The following JCHAIN variants were observed in gnomAD, a reference collection of about 807,000 sequenced individuals.
JCHAIN encodes the protein immunoglobulin J chain.
A neutral mutation model predicts 11.1 loss-of-function variants in JCHAIN; 5 were observed. The observed-to-expected ratio is 0.45, with a 90% confidence interval of 0.24 to 0.95. The LOEUF (loss-of-function observed/expected upper bound fraction) is 0.95. Among genes scored for constraint, JCHAIN ranks in the 40% least tolerant of loss-of-function variants. JCHAIN has a pLI of 0.21. For synonymous variants in JCHAIN, 51 were observed against 67.8 expected (o/e 0.75, Z 1.22); for missense variants, 165 against 192.7 (o/e 0.86, Z 0.85).
chr4:70,666,085 A>G (rs1193004388), intron 1 of JCHAIN, among the ~76,000 whole-genome samples: 1 of 152,176 alleles, frequency 6.6e-6, no homozygotes, highest in African/African-American at 2.4e-5. Context: ...TACAGTAATT[A>G]TTATTTCATT....
chr4:70,660,916 C>T (rs1182837491), intron 2 of JCHAIN, among the ~76,000 whole-genome samples: 1 of 152,060 alleles, frequency 6.6e-6, no homozygotes, highest in African/African-American at 2.4e-5. Flanking sequence ...TATATAAGCT[C>T]TAAAAGGAAT....
chr4:70,666,140 T>C (rs1739148219), intron 1 of JCHAIN, among the ~76,000 whole-genome samples: 4 of 152,186 alleles, frequency 2.6e-5, no homozygotes, highest in Admixed American at 2.6e-4. Flanking sequence ...GGATTATAGA[T>C]TTTTAAGATT....
Position 70,662,112 on chromosome 4 carries a change from C to T in JCHAIN, c.168G>A (p.Val56=), listed in dbSNP as rs780011677. The T allele has an allele frequency of 6.2e-7, 1 of 1,613,774 alleles. No homozygotes were observed. The highest frequency in any genetic ancestry group is 1.1e-5 in the South Asian group (1 of 91,030). ...RSSEDPNEDI[V]ERNIRIIVPL... Reference sequence around the variant, plus strand: ...CATACATAATTCGGATGTTTCTCTCCACAATGTCCTCATTAGGATCTTCGG... The same window carrying T: ...CATACATAATTCGGATGTTTCTCTCTACAATGTCCTCATTAGGATCTTCGG... Residue 56 remains valine, a synonymous_variant, in exon 2 of 4, where the codon GTG becomes GTA. Transcript: ENST00000254801.
intron 1 of JCHAIN, among the ~76,000 whole-genome samples, chr4:70,665,266 T>A (rs932375593): frequency 2.6e-5 from 4 of 152,180 alleles, no homozygotes; most frequent in African/African-American, 9.6e-5. Flanking sequence ...GGTAAGTTAC[T>A]TCACCTCTGT....
chr4:70,662,384 C>A (rs1021675959), intron 1 of JCHAIN, among the ~76,000 whole-genome samples, 169 bp from the exon 2 acceptor site: 1 of 152,128 alleles, frequency 6.6e-6, no homozygotes, highest in African/African-American at 2.4e-5. Flanking sequence ...TAAAGGAAAT[C>A]CAAAGGTACT....
At chr4:70,658,118 CT>C (rs1738985239) in intron 2 of JCHAIN, among the ~76,000 whole-genome samples, 2 of 152,162 alleles carry the variant, frequency 1.3e-5, no homozygotes, top group Non-Finnish European at 2.9e-5. Flanking sequence ...GAATCCTCCC[CT>C]GTCACATATC....
chr4:70,662,205 A>G lies in JCHAIN; in HGVS notation c.75T>C (p.Asp25=), dbSNP rs763798231. Residue 25 remains aspartate (D), a synonymous_variant, in exon 2 of 4, where the codon GAT becomes GAC. Transcript: ENST00000254801. ...IKAVHVKAQE[D]ERIVLVDNKC... is the part of the protein sequence containing the mutation. ...TGTTGTCAACAAGAACAATCCTTTCATCTTCTTGGGCTTGAAAGGTAAACG... is the reference window on the plus strand; with the variant it reads ...TGTTGTCAACAAGAACAATCCTTTCGTCTTCTTGGGCTTGAAAGGTAAACG... The G allele has an allele frequency of 1.2e-6, 2 of 1,613,168 alleles. No homozygotes were observed. Among genetic ancestry groups the G allele is most frequent in the African/African-American group, 1.3e-5 (1 of 74,920 alleles).
intron 1 of JCHAIN, among the ~76,000 whole-genome samples, chr4:70,664,664 A>C (rs529104278): frequency 6.6e-6 from 1 of 152,348 alleles, no homozygotes; most frequent in African/African-American, 2.4e-5. Context: ...AAAGAGGTAA[A>C]ATGACTTAAA....
chr4:70,656,436 T>A lies in JCHAIN; in HGVS notation c.373A>T (p.Thr125Ser). Residue 125 changes from threonine (T) to serine (S), a missense_variant, in exon 4 of 4, where the codon ACT becomes TCT. By Grantham distance (58) the Thr-to-Ser change is moderately conservative (BLOSUM62 1). Transcript: ENST00000254801. ...DEDSATETCY[T>S]YDRNKCYTAV... is the part of the protein sequence containing the mutation. The stretch of plus-strand genomic sequence containing the variant: ...GTGTAGCACTTGTTTCTGTCATAAG[T>A]GTAGCAGGTCTCTGTAGCACTGTCT... 3 of 1,613,982 alleles carry A rather than the reference T, an allele frequency of 1.9e-6. No homozygotes were observed. Among genetic ancestry groups the A allele is most frequent in the Non-Finnish European group, 2.5e-6 (3 of 1,179,836 alleles).
intron 1 of JCHAIN, among the ~76,000 whole-genome samples, chr4:70,663,209 G>T (rs1167853957): frequency 6.6e-6 from 1 of 152,040 alleles, no homozygotes; most frequent in East Asian, 1.9e-4. Context: ...TTGTTTATTT[G>T]CCAGAATGTC....
At position 70,663,082 on chromosome 4, in the gene JCHAIN, T is replaced by C. The variant is rs562303585; in HGVS notation, c.65-867A>G. Among the ~76,000 whole-genome samples the C allele has an allele frequency of 4.6e-5, 7 of 152,052 alleles. No individual in the cohort carries two copies. The South Asian group carries it at 1.2e-3, about 27-fold the overall frequency. ...ACAATCTCAATTGAATATGCCTGTATACAGAAAAAAAAATGAATAAATGAA... is the reference window on the plus strand; with the variant it reads ...ACAATCTCAATTGAATATGCCTGTACACAGAAAAAAAAATGAATAAATGAA... On this transcript the variant is annotated intron_variant, in intron 1 of 3. Coordinates refer to ENST00000254801, the MANE Select transcript of JCHAIN (RefSeq NM_144646.4).
At position 70,659,350 on chromosome 4, in the gene JCHAIN, G is replaced by A. The variant is rs182043263; in HGVS notation, c.189-2059C>T. 2.3e-3 allele frequency among the ~76,000 whole-genome samples: 355 copies of A among 151,564 alleles called. 2 individuals carry two copies. Among genetic ancestry groups the A allele is most frequent in the African/African-American group, 8.2e-3 (338 of 41,130 alleles). On this transcript the variant is annotated intron_variant, in intron 2 of 3. Coordinates refer to ENST00000254801, the MANE Select transcript of JCHAIN (RefSeq NM_144646.4). ...GGATTGCTTGAGGTCAGGAGTTCAA[G>A]CCCAGCTTGGCCAACATGATGAAAC...
intron 1 of JCHAIN, among the ~76,000 whole-genome samples, chr4:70,663,044 A>T (rs1384894167): frequency 1.3e-5 from 2 of 152,230 alleles, no homozygotes; most frequent in Non-Finnish European, 2.9e-5. Context: ...GCAATTTAGA[A>T]ATATTATGAG....
rs766259333 is a variant in JCHAIN at position 70,666,482 on chromosome 4, G to T, written c.9C>A (p.Asn3Lys). Residue 3 changes from asparagine to lysine, a missense_variant, in exon 1 of 4, where the codon AAC (asparagine) becomes AAA (lysine). Physicochemically the swap from Asn to Lys is moderately conservative, Grantham distance 94. Coordinates refer to ENST00000254801, the MANE Select transcript of JCHAIN (RefSeq NM_144646.4). ...CCAGGACTCCCCAGAAAAGCAAATG[G>T]TTCTTCATCTTGACTTCACTTCTTC... MK[N>K]HLLFWGVLAV... 6.2e-7 allele frequency: 1 copy of T among 1,612,556 alleles called. No individual in the cohort carries two copies. The highest frequency in any genetic ancestry group is 8.5e-7 in the Non-Finnish European group (1 of 1,178,766).
In JCHAIN at chr4:70,662,176, C is replaced by G. The variant is rs1390234899; in HGVS notation, c.104G>C (p.Cys35Ser). 6.2e-7 allele frequency: 1 copy of G among 1,613,398 alleles called. No homozygotes were observed. The highest frequency in any genetic ancestry group is 8.5e-7 in the Non-Finnish European group (1 of 1,179,348). ...DERIVLVDNK[C>S]KCARITSRII... ...CCTGGAAGTAATCCGGGCACACTTA[C>G]ATTTGTTGTCAACAAGAACAATCCT... The change falls in exon 2 of 4, where the codon TGT (cysteine) becomes TCT (serine). Residue 35 changes from cysteine (C) to serine (S), a missense_variant. Cys to Ser is a moderately radical substitution (Grantham distance 112). Transcript: ENST00000254801.
intron 1 of JCHAIN, among the ~76,000 whole-genome samples, chr4:70,664,681 C>T (rs773771567): frequency 7.6e-4 from 115 of 152,244 alleles, no homozygotes; most frequent in Non-Finnish European, 1.5e-3. Flanking sequence ...TAAATGATGT[C>T]CTCTTTCCTA....
At chr4:70,664,592 T>C (rs1739117977) in intron 1 of JCHAIN, among the ~76,000 whole-genome samples, 1 of 152,174 alleles carries the variant, frequency 6.6e-6, no homozygotes, top group South Asian at 2.1e-4. Context: ...TGACACTGTG[T>C]AATATTGGAA....
chr4:70,665,839 G>T (rs755225909), intron 1 of JCHAIN: 7 of 283,134 alleles, frequency 2.5e-5, no homozygotes, highest in African/African-American at 4.5e-5. Context: ...CCTTCTAAAT[G>T]AAAATTATTT....
intron 2 of JCHAIN, among the ~76,000 whole-genome samples, chr4:70,657,582 T>C (rs1312541441): frequency 6.6e-6 from 1 of 152,206 alleles, no homozygotes; most frequent in Non-Finnish European, 1.5e-5. Flanking sequence ...CTGTAATAAT[T>C]ATATTGATGT....
Sources: gnomAD v4.1 joint callset for allele counts (sites outside exome capture counted in the v4.1 genomes callset) on GRCh38, gnomAD v4.1.1 for gene constraint, MANE v1.5 for transcripts, NCBI Gene and HGNC (gene_info 2026-07-23, HGNC 2026-07-21) for gene names.